Variants in SGCD observed in about 807,000 individuals in gnomAD.
SGCD encodes the protein sarcoglycan delta.
In SGCD, 18 loss-of-function variants were observed where a neutral mutation model predicts 36.6. The ratio of observed to expected loss-of-function variants is 0.49; its 90% CI spans 0.34 to 0.73. SGCD has a LOEUF of 0.73. SGCD is among the 30% of genes least tolerant of loss of function. SGCD has a pLI of 0.01. For synonymous variants in SGCD, 133 were observed against 130.6 expected (o/e 1.02, Z -0.12); for missense variants, 387 against 346.7 (o/e 1.12, Z -0.92).
At chr5:156,600,032 T>G (rs1761126774) in intron 6 of SGCD, among the ~76,000 whole-genome samples, 1 of 151,224 alleles carries the variant, frequency 6.6e-6, no homozygotes, top group African/African-American at 2.5e-5. Flanking sequence ...GGTGATGGAT[T>G]TTTTTTTCAA....
chr5:156,202,074 C>A (rs1238999088), intron 3 of SGCD, among the ~76,000 whole-genome samples: 2 of 152,100 alleles, frequency 1.3e-5, no homozygotes, highest in African/African-American at 4.8e-5. Context: ...ATTCCCAGAA[C>A]TCTCATTGAA....
intron 3 of SGCD, among the ~76,000 whole-genome samples, chr5:156,238,683 A>G (rs1561579177): frequency 6.6e-6 from 1 of 152,116 alleles, no homozygotes; most frequent in Non-Finnish European, 1.5e-5. Context: ...TCTATGGTAA[A>G]ATGTACAGAG....
chr5:156,734,068 T>G (rs1471863408), intron 7 of SGCD, among the ~76,000 whole-genome samples: 1 of 152,192 alleles, frequency 6.6e-6, no homozygotes, highest in African/African-American at 2.4e-5. Flanking sequence ...TATTTAGTGC[T>G]TCTTTCAGAG....
In SGCD at chr5:156,263,836, T is replaced by G. The variant is rs182041727; in HGVS notation, c.-43-65698T>G. 5.7e-3 allele frequency among the ~76,000 whole-genome samples: 864 copies of G among 152,230 alleles called. 5 individuals are homozygous for G. The highest frequency in any genetic ancestry group is 0.02 in the African/African-American group (812 of 41,558). On this transcript the variant is annotated intron_variant, in intron 3 of 9. Transcript: ENST00000517913. ...GCTTGTCAATTATCCCAGCACCATT[T>G]GTTGAGTAGGATGTCCTTTTTCCAC...
At chr5:156,687,041 C>T (rs1028206105) in intron 7 of SGCD, among the ~76,000 whole-genome samples, 14 of 152,268 alleles carry the variant, frequency 9.2e-5, no homozygotes, top group South Asian at 4.1e-4. Flanking sequence ...ATCAGCAGCT[C>T]CAGATATGCT....
chr5:156,353,432 C>T (rs779346465), intron 3 of SGCD, among the ~76,000 whole-genome samples: 13 of 152,134 alleles, frequency 8.5e-5, no homozygotes, highest in Non-Finnish European at 1.8e-4. Context: ...CTACCTGCTA[C>T]ATTTTAATTA....
chr5:156,182,871 C>T (rs1346616608), intron 3 of SGCD, among the ~76,000 whole-genome samples: 2 of 152,308 alleles, frequency 1.3e-5, no homozygotes, highest in Admixed American at 6.5e-5. Flanking sequence ...TGTACATTTT[C>T]ACTTTTACCT....
At chr5:155,886,128 A>G (rs547034034) in intron 1 of SGCD, among the ~76,000 whole-genome samples, 13 of 152,192 alleles carry the variant, frequency 8.5e-5, no homozygotes, top group Non-Finnish European at 1.9e-4. Context: ...TGTCTTAGTG[A>G]TGGCTCTTTA....
rs138113428 is a variant in SGCD at position 156,541,737 on chromosome 5, C to G, written c.294+33035C>G. On this transcript the variant is annotated intron_variant, in intron 4 of 8. Coordinates refer to ENST00000337851, the MANE Select transcript of SGCD (RefSeq NM_000337.6). ...ACTTTGCATGTGCTATTTAATCTTC[C>G]ACTTTATAGAAACCCTATAAAGTAA... is the stretch of plus-strand genomic sequence containing the variant. Among the ~76,000 whole-genome samples, 6 of 152,166 alleles carry G rather than the reference C, an allele frequency of 3.9e-5. No homozygotes were observed. In the South Asian group the frequency reaches 8.3e-4, roughly 21 times the overall value.
At chr5:156,365,971 C>A (rs1258342412) in intron 3 of SGCD, among the ~76,000 whole-genome samples, 2 of 152,074 alleles carry the variant, frequency 1.3e-5, no homozygotes. Flanking sequence ...ATACATAAAT[C>A]TCTGTAAGCA....
At chr5:156,716,628 A>G (rs1433549841) in intron 7 of SGCD, among the ~76,000 whole-genome samples, 1 of 152,204 alleles carries the variant, frequency 6.6e-6, no homozygotes, top group Non-Finnish European at 1.5e-5. Flanking sequence ...ATGTTCTACT[A>G]TGGTCATTAT....
At chr5:156,315,731 T>C (rs995461205) in intron 3 of SGCD, among the ~76,000 whole-genome samples, 7 of 152,110 alleles carry the variant, frequency 4.6e-5, no homozygotes, top group Admixed American at 3.9e-4. Flanking sequence ...TATATATTTT[T>C]TGTCTTTTTG....
At chr5:156,511,197 A>G (rs1007366725) in intron 4 of SGCD, among the ~76,000 whole-genome samples, 2 of 152,214 alleles carry the variant, frequency 1.3e-5, no homozygotes, top group Non-Finnish European at 2.9e-5. Flanking sequence ...ATAGCCTTAC[A>G]TGTTTCTAAC....
At chr5:155,745,017 T>C in the SGCD span, among the ~76,000 whole-genome samples, 1,657 of 152,220 alleles carry the variant, frequency 0.011, 37 homozygotes, top group African/African-American at 0.038. Context: ...AAAGGAACCA[T>C]GAGTAATACT....
intron 2 of SGCD, among the ~76,000 whole-genome samples, chr5:156,334,153 C>G (rs1043760641): frequency 6.6e-6 from 1 of 152,126 alleles, no homozygotes; most frequent in East Asian, 1.9e-4. Flanking sequence ...CCCCAAGTCA[C>G]AGAAGAGCTG....
chr5:156,651,760 G>A lies in SGCD; in HGVS notation c.575+4224G>A, dbSNP rs116477323. Reference sequence around the variant, plus strand: ...GCTCTGGAGTTTTTCTTTTTGCTTAGGATTGCTTTGGGCTCTTTTTTGGTT... The same window carrying A: ...GCTCTGGAGTTTTTCTTTTTGCTTAAGATTGCTTTGGGCTCTTTTTTGGTT... On this transcript the variant is annotated intron_variant, in intron 7 of 8. Coordinates refer to ENST00000337851, the MANE Select transcript of SGCD (RefSeq NM_000337.6). Among the ~76,000 whole-genome samples, 524 of 151,982 alleles carry A rather than the reference G, an allele frequency of 3.4e-3. 3 individuals carry two copies. The highest frequency in any genetic ancestry group is 5.9e-3 in the Non-Finnish European group (401 of 67,922).
chr5:156,195,330 T>A (rs908330709), intron 3 of SGCD, among the ~76,000 whole-genome samples: 7 of 152,194 alleles, frequency 4.6e-5, no homozygotes, highest in Admixed American at 4.6e-4. Context: ...TTATTCTTGA[T>A]GCCATTAGAG....
the SGCD span, among the ~76,000 whole-genome samples, chr5:155,738,917 GTGTT>G: frequency 3.0e-4 from 44 of 147,290 alleles, no homozygotes; most frequent in South Asian, 4.6e-3. Flanking sequence ...ATGTGAGAGT[GTGTT>G]TGCGTGTGAG....
intron 3 of SGCD, among the ~76,000 whole-genome samples, chr5:156,292,352 C>T (rs961195164): frequency 6.6e-6 from 1 of 152,064 alleles, no homozygotes; most frequent in Admixed American, 6.6e-5. Flanking sequence ...GTACCACGAA[C>T]AAGTGGGATC....
Sources: allele counts gnomAD v4.1 joint callset (sites outside exome capture counted in the v4.1 genomes callset), GRCh38; gene constraint gnomAD v4.1.1; transcripts MANE v1.5; gene names NCBI Gene and HGNC (gene_info 2026-07-23, HGNC 2026-07-21).